Variants in SLC47A2 observed in about 807,000 individuals in gnomAD.
The protein encoded by SLC47A2 is multidrug and toxin extrusion protein 2.
SLC47A2 carries 52 observed loss-of-function variants against 67.7 expected under a neutral mutation model. That is an observed-to-expected ratio of 0.77 (90% CI 0.61 to 0.97). SLC47A2 has a LOEUF of 0.97. Ranked by LOEUF, SLC47A2 falls within the 50% of genes least tolerant of loss-of-function variation. SLC47A2 has a pLI of 0.00. For synonymous variants in SLC47A2, 278 were observed against 292.9 expected, an observed-to-expected ratio of 0.95 and a Z score of 0.52; for missense variants, 676 against 712.3, an observed-to-expected ratio of 0.95 and a Z score of 0.58.
chr17:19,679,220 A>G lies in SLC47A2; in HGVS notation c.1481-314T>C, dbSNP rs4646807. ...GCTTCAAAAGCACGTGGGAAACACA[A>G]TTAATCATGTCTTACCGTATTCTCT... On this transcript the variant is annotated intron_variant, in intron 16 of 16. Coordinates refer to ENST00000433844, the MANE Select transcript of SLC47A2 (RefSeq NM_001099646.3). Among the ~76,000 whole-genome samples the G allele has an allele frequency of 6.8e-3, 1,039 of 152,314 alleles. 4 individuals are homozygous for G. The highest frequency in any genetic ancestry group is 0.028 in the East Asian group (146 of 5,180).
intron 13 of SLC47A2, chr17:19,702,062 T>G: frequency 2.2e-6 from 2 of 911,190 alleles, no homozygotes; most frequent in South Asian, 5.1e-5. Context: ...TGAGCCATGA[T>G]CGCACTGCTG....
At chr17:19,703,973 G>A (rs867583571) in intron 11 of SLC47A2, 97 bp downstream of exon 11, 7 of 924,034 alleles carry the variant, frequency 7.6e-6, no homozygotes, top group African/African-American at 6.9e-5. Context: ...GGCAGCTCCC[G>A]AGGCCAGCCC....
At chr17:19,718,769 G>C (rs1249207104), upstream of SLC47A2, 2 of 152,410 alleles carry the variant, frequency 1.3e-5, no homozygotes, top group East Asian at 1.9e-4. Context: ...AGGCAGAGTG[G>C]GGGGTGGGGG....
At chr17:19,679,461 A>T (rs2085265317) in intron 16 of SLC47A2, among the ~76,000 whole-genome samples, 1 of 152,134 alleles carries the variant, frequency 6.6e-6, no homozygotes, top group South Asian at 2.1e-4. Flanking sequence ...TGTCTGCCTG[A>T]TGGGGTGGAG....
At chr17:19,693,137 AAG>A (rs1231660944) in intron 13 of SLC47A2, among the ~76,000 whole-genome samples, 1 of 152,134 alleles carries the variant, frequency 6.6e-6, no homozygotes, top group African/African-American at 2.4e-5. Context: ...CTCAAAAAAA[AAG>A]AGGTTTATCC....
At chr17:19,707,602 AG>A (rs2085975278) in intron 8 of SLC47A2, 143 bp downstream of exon 8, 4 of 649,520 alleles carry the variant, frequency 6.2e-6, no homozygotes, top group South Asian at 4.3e-5. Context: ...GGGGAAGCAA[AG>A]GGGAAGGAGG....
At position 19,706,635 on chromosome 17, in the gene SLC47A2, C is replaced by T. The variant is rs2085944744; in HGVS notation, c.841+13G>A. 6.4e-7 allele frequency: 1 copy of T among 1,572,596 alleles called. No individual in the cohort carries two copies. The highest frequency in any genetic ancestry group is 8.6e-7 in the Non-Finnish European group (1 of 1,163,334). On this transcript the variant is annotated intron_variant, in intron 9 of 16. Transcript: ENST00000433844. ...CCCACACGCCATTGCGCCCCCCATC[C>T]TCTTCCACGTACCCATGAGGAAGCT...
chr17:19,712,698 C>T lies in SLC47A2; in HGVS notation c.486+5G>A, dbSNP rs750011862. 16 of 1,613,190 alleles carry T rather than the reference C, an allele frequency of 9.9e-6. No homozygotes were observed. The South Asian group carries it at 1.4e-4, about 14-fold the overall frequency. On this transcript the variant is annotated splice_donor_5th_base_variant and intron_variant, in intron 5 of 16. Coordinates refer to ENST00000433844, the MANE Select transcript of SLC47A2 (RefSeq NM_001099646.3). ...ATTCCACGCTCAGCAAACAGGGGCA[C>T]CTACCGGAAGTCCTGGAATGAAAAT... is the stretch of plus-strand genomic sequence containing the variant.
chr17:19,683,615 C>G (rs1262967261), intron 13 of SLC47A2, among the ~76,000 whole-genome samples: 2 of 152,174 alleles, frequency 1.3e-5, no homozygotes, highest in Admixed American at 1.3e-4. Context: ...GAGACCAAGC[C>G]TCCCACATGT....
At chr17:19,709,974 T>C (rs996774151) in intron 5 of SLC47A2, among the ~76,000 whole-genome samples, 8 of 152,118 alleles carry the variant, frequency 5.3e-5, no homozygotes, top group African/African-American at 1.7e-4. Flanking sequence ...TGTAACCAGC[T>C]AGGCCCCAAA....
rs147661457 is a variant in SLC47A2, at chr17:19,715,158, G to T, written c.183C>A (p.His61Gln). 11 of 1,612,380 alleles carry T rather than the reference G, an allele frequency of 6.8e-6. No homozygotes were observed. The African/African-American group carries it at 1.1e-4, about 16-fold the overall frequency. The change falls in exon 2 of 17, where the codon CAC (histidine) becomes CAA (glutamine). Residue 61 changes from histidine (H) to glutamine (Q), a missense_variant. Transcript: ENST00000433844. Reference protein sequence around the residue: ...IYIVSTVFCGHLGKVELASVT... With the variant: ...IYIVSTVFCGQLGKVELASVT... ...CCGATGCCAGCTCCACCTTGCCCAG[G>T]TGCCCGCAGAACACAGTGCTCACGA... is the stretch of plus-strand genomic sequence containing the variant.
In SLC47A2 at chr17:19,716,472, C is replaced by A. The variant is rs771212074; in HGVS notation, c.84G>T (p.Gly28=). The A allele has an allele frequency of 2.4e-5, 38 of 1,612,470 alleles. No homozygotes were observed. The highest frequency in any genetic ancestry group is 3.1e-5 in the Non-Finnish European group (37 of 1,179,424). The change falls in exon 1 of 17, where the codon GGG becomes GGT. Residue 28 remains glycine (G), a synonymous_variant. Coordinates refer to ENST00000433844, the MANE Select transcript of SLC47A2 (RefSeq NM_001099646.3). The part of the protein sequence containing the change: ...ALSRLVPRGF[G]TEMWTLFALS... ...GGGCAAAGAGAGTCCACATCTCAGT[C>A]CCAAAGCCTCTGGGAACCAGCCTGC...
chr17:19,696,825 C>G (rs377153914), intron 13 of SLC47A2, among the ~76,000 whole-genome samples: 1 of 152,186 alleles, frequency 6.6e-6, no homozygotes, highest in African/African-American at 2.4e-5. Context: ...ATTTGGCTCA[C>G]GGTTCTGGAG....
At chr17:19,681,483 G>A (rs752024365) in intron 14 of SLC47A2, 22 bp from the exon 15 acceptor site, 22 of 1,613,920 alleles carry the variant, frequency 1.4e-5, no homozygotes, top group African/African-American at 4.0e-5. Flanking sequence ...AAGTGATGAT[G>A]GGAACAATGT....
chr17:19,697,210 A>T (rs949601233), intron 13 of SLC47A2, among the ~76,000 whole-genome samples: 1 of 152,204 alleles, frequency 6.6e-6, no homozygotes, highest in Non-Finnish European at 1.5e-5. Context: ...AGGCAGGAGA[A>T]TGGCATGAAC....
rs749151406 is a variant in SLC47A2 at position 19,708,728 on chromosome 17, A to C, written c.519T>G (p.Tyr173Ter). 1.2e-6 allele frequency: 2 copies of C among 1,613,998 alleles called. No homozygotes were observed. The highest frequency in any genetic ancestry group is 1.7e-6 in the Non-Finnish European group (2 of 1,180,048). The change falls in exon 6 of 17, where the codon TAT becomes TAG. Residue 173 changes from tyrosine to a stop codon, truncating the protein, a stop_gained. Coordinates refer to ENST00000433844, the MANE Select transcript of SLC47A2 (RefSeq NM_001099646.3). LOFTEE classifies it high-confidence loss of function. ...VIFLYNLLAK[Y>*]LQNQKITWPQ... The stretch of plus-strand genomic sequence containing the variant: ...CAAAGACCTGTACCTGATTTTGCAA[A>C]TATTTTGCCAGCAGATTGTAAAGAA...
chr17:19,688,100 C>T (rs938110213), intron 13 of SLC47A2, among the ~76,000 whole-genome samples: 1 of 152,064 alleles, frequency 6.6e-6, no homozygotes, highest in African/African-American at 2.4e-5. Flanking sequence ...AAACTACAGA[C>T]CAGTATCCCT....
chr17:19,687,715 C>T (rs1419546115), intron 13 of SLC47A2, among the ~76,000 whole-genome samples: 1 of 152,150 alleles, frequency 6.6e-6, no homozygotes, highest in Non-Finnish European at 1.5e-5. Context: ...CTATGAGCAA[C>T]TGTATACCAA....
Position 19,708,380 on chromosome 17 carries a change from A to C in SLC47A2, c.551T>G (p.Val184Gly). 2 of 1,614,064 alleles carry C rather than the reference A, an allele frequency of 1.2e-6. No individual in the cohort carries two copies. The highest frequency in any genetic ancestry group is 1.7e-6 in the Non-Finnish European group (2 of 1,180,020). The change falls in exon 7 of 17, where the codon GTC (valine) becomes GGC (glycine). Residue 184 changes from valine to glycine, a missense_variant. Val to Gly is a moderately radical substitution (Grantham distance 109). Coordinates refer to ENST00000433844, the MANE Select transcript of SLC47A2 (RefSeq NM_001099646.3). ...LQNQKITWPQ[V>G]LSGVVGNCVN... Reference sequence around the variant, plus strand: ...ACAGTTGCCCACCACACCACTGAGGACTTGGGGCCAGGTGATCTTCTGAAA... The same window carrying C: ...ACAGTTGCCCACCACACCACTGAGGCCTTGGGGCCAGGTGATCTTCTGAAA...
Sources: gnomAD v4.1 joint callset for allele counts (sites outside exome capture counted in the v4.1 genomes callset) on GRCh38, gnomAD v4.1.1 for gene constraint, MANE v1.5 for transcripts, NCBI Gene and HGNC (gene_info 2026-07-23, HGNC 2026-07-21) for gene names.